Variants in RREB1 observed in about 807,000 individuals in gnomAD.
RREB1 encodes ras responsive element binding protein 1, also known as ras-responsive element-binding protein 1.
In RREB1, 27 loss-of-function variants were observed where a neutral mutation model predicts 117.8. The ratio of observed to expected loss-of-function variants is 0.23; its 90% CI spans 0.17 to 0.32. The LOEUF is 0.32. Ranked by LOEUF, RREB1 falls within the 10% of genes least tolerant of loss-of-function variation. The pLI is 1.00. For missense variants in RREB1, 2,577 were observed against 2,378.2 expected (o/e 1.08, Z -1.74); for synonymous variants, 1,298 against 1,026.7 (o/e 1.26, Z -5.05).
intron 5 of RREB1, among the ~76,000 whole-genome samples, chr6:7,188,567 A>G (rs1581512049): frequency 6.6e-6 from 1 of 152,102 alleles, no homozygotes; most frequent in Non-Finnish European, 1.5e-5. Flanking sequence ...GCTGTGGCCA[A>G]TTCATGACAA....
intron 9 of RREB1, among the ~76,000 whole-genome samples, chr6:7,227,931 G>C (rs1287949040): frequency 6.6e-6 from 1 of 152,180 alleles, no homozygotes; most frequent in Non-Finnish European, 1.5e-5. Flanking sequence ...GCTGGGCATA[G>C]TGGCACATGC....
rs1254321562 is a variant in RREB1, at chr6:7,230,332, G to A, written c.2233G>A (p.Val745Met). The A allele has an allele frequency of 6.3e-7, 1 of 1,589,686 alleles. No individual in the cohort carries two copies. The highest frequency in any genetic ancestry group is 8.5e-7 in the Non-Finnish European group (1 of 1,173,038). The change falls in exon 10 of 13, where the codon GTG becomes ATG. Residue 745 changes from valine (V) to methionine (M), a missense_variant. Coordinates refer to ENST00000379938, the MANE Select transcript of RREB1 (RefSeq NM_001003699.4). ...TGTGAGTAGCAGCGCGGCCGAGCTG[G>A]TGGACGCCTTCTGCGCCCCGGACAC... The part of the protein sequence containing the change: ...EYVSSSAAEL[V>M]DAFCAPDTVC...
Position 7,185,875 on chromosome 6 carries a change from CACTTAATAGTTCTCTG to C in RREB1, c.172-1554_172-1539del, listed in dbSNP as rs1765055553. On this transcript the variant is annotated intron_variant, in intron 4 of 12. Transcript: ENST00000379938. Reference sequence around the variant, plus strand: ...GCCTGGGTTTTAATGCTGTGCCTACCACTTAATAGTTCTCTGACTTGGGGCAGGTTACTTGCCTCTG... The same window carrying C: ...GCCTGGGTTTTAATGCTGTGCCTACCACTTGGGGCAGGTTACTTGCCTCTG... Among the ~76,000 whole-genome samples, 2 of 152,140 alleles carry C rather than the reference CACTTAATAGTTCTCTG, an allele frequency of 1.3e-5. 1 individual carries two copies. Among genetic ancestry groups the C allele is most frequent in the South Asian group, 4.1e-4 (2 of 4,826 alleles).
chr6:7,244,825 A>G (rs772673791), intron 11 of RREB1, among the ~76,000 whole-genome samples: 3 of 152,220 alleles, frequency 2.0e-5, no homozygotes, highest in Non-Finnish European at 4.4e-5. Context: ...CTCAGACCTC[A>G]GGACGGGGCA....
chr6:7,140,633 C>A (rs1166949545), intron 1 of RREB1: 1 of 152,204 alleles, frequency 6.6e-6, no homozygotes, highest in Admixed American at 6.5e-5. Context: ...TCCTCCTGCC[C>A]CTCCGATCCA....
Position 7,182,077 on chromosome 6 carries a change from A to G in RREB1, c.166A>G (p.Asn56Asp), listed in dbSNP as rs1764839090. 1 of 1,614,106 alleles carries G rather than the reference A, an allele frequency of 6.2e-7. No individual in the cohort carries two copies. ...PPGPNRIGRR[N>D]QETKEEKSSY... Reference sequence around the variant, plus strand: ...AGGACCAAATCGGATTGGCAGAAGGAACCAGGTAAGTGTTCACACCTAGTG... The same window carrying G: ...AGGACCAAATCGGATTGGCAGAAGGGACCAGGTAAGTGTTCACACCTAGTG... The change falls in exon 4 of 13, where the codon AAC becomes GAC. Residue 56 changes from asparagine (N) to aspartate (D), a missense_variant. Coordinates refer to ENST00000379938, the MANE Select transcript of RREB1 (RefSeq NM_001003699.4).
intron 1 of RREB1, among the ~76,000 whole-genome samples, chr6:7,133,600 A>G (rs908337430): frequency 6.6e-6 from 1 of 152,192 alleles, no homozygotes; most frequent in Non-Finnish European, 1.5e-5. Flanking sequence ...TATTCATTGT[A>G]CATAATAAGA....
At chr6:7,135,493 G>A (rs1581431231) in intron 1 of RREB1, among the ~76,000 whole-genome samples, 1 of 152,114 alleles carries the variant, frequency 6.6e-6, no homozygotes, top group African/African-American at 2.4e-5. Context: ...TTCAAATGGG[G>A]TCTAGTGGCT....
chr6:7,242,806 G>A (rs1215986504), intron 11 of RREB1, among the ~76,000 whole-genome samples: 1 of 151,920 alleles, frequency 6.6e-6, no homozygotes, highest in African/African-American at 2.4e-5. Context: ...TATAATGTAG[G>A]TCTGACATTT....
At chr6:7,142,523 G>A (rs115049510) in intron 1 of RREB1, among the ~76,000 whole-genome samples, 2,306 of 152,380 alleles carry the variant, frequency 0.015, 25 homozygotes, top group Non-Finnish European at 0.022. Context: ...CTGTTCCGGT[G>A]GCTAAAGGTT....
intron 1 of RREB1, among the ~76,000 whole-genome samples, chr6:7,167,396 C>T (rs932954943): frequency 6.1e-5 from 9 of 148,568 alleles, no homozygotes; most frequent in Non-Finnish European, 1.0e-4. Flanking sequence ...TCTTGTTGCC[C>T]GGGCTGGAGT....
intron 1 of RREB1, among the ~76,000 whole-genome samples, chr6:7,113,424 T>C (rs1241234012): frequency 6.6e-6 from 1 of 152,232 alleles, no homozygotes; most frequent in African/African-American, 2.4e-5. Context: ...ACTTTAAAAT[T>C]TTTCTTTTTC....
chr6:7,141,093 C>T (rs973499823), intron 1 of RREB1, among the ~76,000 whole-genome samples: 2 of 152,218 alleles, frequency 1.3e-5, no homozygotes, highest in Non-Finnish European at 2.9e-5. Flanking sequence ...ACCGGGCAGC[C>T]GACTGCCCGC....
chr6:7,109,649 A>G (rs1052917350), intron 1 of RREB1, among the ~76,000 whole-genome samples: 10 of 152,178 alleles, frequency 6.6e-5, no homozygotes, highest in Non-Finnish European at 1.5e-4. Context: ...GGAGGAAAGT[A>G]TTTCTCCTTG....
chr6:7,120,224 G>A (rs11243143), intron 1 of RREB1, among the ~76,000 whole-genome samples: 71,302 of 151,894 alleles, frequency 0.47, 20,018 homozygotes, highest in Non-Finnish European at 0.64. Flanking sequence ...GCCGAGCCGT[G>A]CAGATCCCTT....
chr6:7,232,763 C>CT (rs59522749), intron 10 of RREB1, among the ~76,000 whole-genome samples: 65,403 of 136,948 alleles, frequency 0.48, 16,351 homozygotes, highest in African/African-American at 0.64. Context: ...TTTTCTTTTT[C>CT]TTTTTTTTTT....
intron 1 of RREB1, among the ~76,000 whole-genome samples, chr6:7,137,324 A>G (rs1158142265): frequency 6.6e-6 from 1 of 152,188 alleles, no homozygotes; most frequent in African/African-American, 2.4e-5. Context: ...CAGGGAATAG[A>G]GGGTTGGAAT....
chr6:7,202,447 A>G (rs947540426), intron 6 of RREB1, among the ~76,000 whole-genome samples: 2 of 151,748 alleles, frequency 1.3e-5, no homozygotes, highest in East Asian at 1.9e-4. Context: ...CCTCCTACAG[A>G]GCTTAGGTGT....
At chr6:7,236,864 A>AT (rs370632373) in intron 10 of RREB1, among the ~76,000 whole-genome samples, 21 of 90,810 alleles carry the variant, frequency 2.3e-4, no homozygotes, top group African/African-American at 9.4e-4. Flanking sequence ...ACACTGGCTA[A>AT]TTTTTTTTGT....
Sources: gnomAD v4.1 joint callset for allele counts (sites outside exome capture counted in the v4.1 genomes callset) on GRCh38, gnomAD v4.1.1 for gene constraint, MANE v1.5 for transcripts, NCBI Gene and HGNC (gene_info 2026-07-23, HGNC 2026-07-21) for gene names.